Variants in MILR1 observed in about 807,000 individuals in gnomAD.
MILR1 encodes mast cell immunoglobulin like receptor 1.
A neutral mutation model predicts 18.5 loss-of-function variants in MILR1; 31 were observed. The observed-to-expected ratio is 1.68, with a 90% CI of 1.26 to 2.26. MILR1 has a LOEUF of 2.26. Among genes scored for constraint, MILR1 ranks in the 30% most tolerant of loss-of-function variants. The pLI is 0.00. For synonymous variants in MILR1, 85 were observed against 56.2 expected, an observed-to-expected ratio of 1.51 and a Z score of -2.30; for missense variants, 257 against 157.4, an observed-to-expected ratio of 1.63 and a Z score of -3.38.
At chr17:64,491,392 C>G in the MILR1 span, 4 of 614,418 alleles carry the variant, frequency 6.5e-6, no homozygotes, top group East Asian at 1.3e-4. Context: ...CTTAGGACTT[C>G]GAGACCAGCC....
intron 4 of MILR1, among the ~76,000 whole-genome samples, chr17:64,459,409 T>C (rs1018362871): frequency 1.3e-5 from 2 of 151,782 alleles, no homozygotes; most frequent in East Asian, 3.9e-4. Flanking sequence ...CATTCCAGCC[T>C]GCGTAACAGA....
At chr17:64,478,469 C>T in the MILR1 span, among the ~76,000 whole-genome samples, 2 of 152,152 alleles carry the variant, frequency 1.3e-5, no homozygotes, top group Non-Finnish European at 2.9e-5. Flanking sequence ...CAGATAGATG[C>T]ACGGCTGACC....
At chr17:64,472,374 G>A (rs192815148), downstream of MILR1, among the ~76,000 whole-genome samples, 42 of 141,044 alleles carry the variant, frequency 3.0e-4, no homozygotes, top group East Asian at 9.6e-3. Context: ...GCTGAGGCAT[G>A]AGAATTGCTT....
chr17:64,458,836 C>T (rs961459240), intron 4 of MILR1, among the ~76,000 whole-genome samples: 98 of 152,246 alleles, frequency 6.4e-4, no homozygotes, highest in African/African-American at 2.3e-3. Flanking sequence ...GTCTCTCCCC[C>T]AGCTCATCCT....
At chr17:64,469,350 A>G (rs1555664153), downstream of MILR1, among the ~76,000 whole-genome samples, 3 of 152,120 alleles carry the variant, frequency 2.0e-5, no homozygotes, top group African/African-American at 4.8e-5. Context: ...GAGACCCATC[A>G]TGCATGTTTA....
the MILR1 span, chr17:64,496,793 G>T: frequency 6.2e-7 from 1 of 1,613,666 alleles, no homozygotes; most frequent in Admixed American, 1.7e-5. Flanking sequence ...AGACCCGGGG[G>T]CTTCTGGGTG....
At chr17:64,457,293 T>C (rs1274059705) in intron 3 of MILR1, 107 bp from the exon 4 acceptor site, 4 of 408,108 alleles carry the variant, frequency 9.8e-6, no homozygotes, top group African/African-American at 8.2e-5. Context: ...GGGTCGTTCA[T>C]CTTGGTTCCA....
chr17:64,466,408 C>G (rs782779208), intron 6 of MILR1, 34 bp from the exon 7 acceptor site: 1 of 1,601,246 alleles, frequency 6.2e-7, no homozygotes, highest in East Asian at 2.2e-5. Flanking sequence ...ACAAACGCCA[C>G]CAACCCCCAA....
chr17:64,458,947 C>T (rs1012231918), intron 4 of MILR1, among the ~76,000 whole-genome samples: 15 of 152,256 alleles, frequency 9.9e-5, no homozygotes, highest in Admixed American at 2.6e-4. Flanking sequence ...TGGGCTGGGG[C>T]GTCCACGTGC....
At chr17:64,480,387 A>G in the MILR1 span, 1 of 1,503,368 alleles carries the variant, frequency 6.7e-7, no homozygotes, top group Non-Finnish European at 9.2e-7. Flanking sequence ...GCCCTTGACA[A>G]ACCTAGAAAG....
the MILR1 span, chr17:64,490,733 G>T: frequency 7.6e-7 from 1 of 1,316,902 alleles, no homozygotes; most frequent in Non-Finnish European, 1.1e-6. Flanking sequence ...ATTCTCAAAT[G>T]GTTCGGAAAT....
chr17:64,464,339 G>T (rs1273501590), intron 5 of MILR1, among the ~76,000 whole-genome samples: 1 of 149,014 alleles, frequency 6.7e-6, no homozygotes, highest in Admixed American at 6.7e-5. Context: ...TGAACTCCTG[G>T]ACTCAAACCA....
chr17:64,482,795 G>A, the MILR1 span: 1 of 666,212 alleles, frequency 1.5e-6, no homozygotes, highest in South Asian at 1.6e-5. Flanking sequence ...TAAGATTTTG[G>A]ATTTTTGGAT....
intron 3 of MILR1, among the ~76,000 whole-genome samples, chr17:64,456,845 A>T (rs2037311848): frequency 6.6e-6 from 1 of 151,980 alleles, no homozygotes; most frequent in Admixed American, 6.6e-5. Context: ...TTTTTGGATT[A>T]AAAAAACCCA....
chr17:64,494,790 C>A, the MILR1 span, among the ~76,000 whole-genome samples: 1 of 152,266 alleles, frequency 6.6e-6, no homozygotes, highest in East Asian at 1.9e-4. Context: ...TGCTTTTTAG[C>A]ACCATAAAGT....
At chr17:64,473,526 TC>T (rs1231327877), downstream of MILR1, among the ~76,000 whole-genome samples, 2 of 152,000 alleles carry the variant, frequency 1.3e-5, no homozygotes, top group East Asian at 3.9e-4. Context: ...CTCTGACTCT[TC>T]CGCAGCACAC....
chr17:64,465,353 C>T, intron 5 of MILR1, 99 bp from the exon 6 acceptor site: 1 of 838,818 alleles, frequency 1.2e-6, no homozygotes, highest in Admixed American at 2.2e-5. Flanking sequence ...AAGTCACTCT[C>T]TGTTTCAGAA....
chr17:64,488,995 C>T, the MILR1 span, among the ~76,000 whole-genome samples: 1,184 of 151,176 alleles, frequency 7.8e-3, 16 homozygotes, highest in Non-Finnish European at 0.011. Context: ...TATATATAAA[C>T]TCCTATGTTT....
chr17:64,465,037 G>A (rs2037520800), intron 5 of MILR1, among the ~76,000 whole-genome samples: 1 of 152,160 alleles, frequency 6.6e-6, no homozygotes, highest in Non-Finnish European at 1.5e-5. Flanking sequence ...GCGGTGAGCC[G>A]AGATCACGAT....
Sources: gnomAD v4.1 joint callset for allele counts (sites outside exome capture counted in the v4.1 genomes callset) on GRCh38, gnomAD v4.1.1 for gene constraint, MANE v1.5 for transcripts, NCBI Gene and HGNC (gene_info 2026-07-23, HGNC 2026-07-21) for gene names.